TXN2: variants seen among roughly 807,000 people sequenced by gnomAD.
TXN2 encodes the protein thioredoxin, mitochondrial.
Under a neutral mutation model 14.6 loss-of-function variants are expected in TXN2, and 12 were observed. The ratio of observed to expected loss-of-function variants is 0.82; its 90% CI spans 0.53 to 1.33. The LOEUF is 1.33. Among genes scored for constraint, TXN2 ranks in the 40% most tolerant of loss-of-function variants. TXN2 has a pLI of 0.00. For missense variants in TXN2, 173 were observed against 207.7 expected (o/e 0.83, Z 1.03); for synonymous variants, 89 against 81.0 (o/e 1.10, Z -0.53).
chr22:36,476,111 C>T (rs1437491131), intron 3 of TXN2, among the ~76,000 whole-genome samples: 1 of 152,116 alleles, frequency 6.6e-6, no homozygotes, highest in African/African-American at 2.4e-5. Flanking sequence ...CTTGGCACAT[C>T]GAGCTCCCAA....
At chr22:36,472,999 G>C (rs574061497) in intron 3 of TXN2, among the ~76,000 whole-genome samples, 1 of 151,986 alleles carries the variant, frequency 6.6e-6, no homozygotes. Context: ...CATTACCTGG[G>C]AGCTTGTTAG....
chr22:36,472,951 G>T (rs1487758090), intron 3 of TXN2, among the ~76,000 whole-genome samples: 1 of 151,954 alleles, frequency 6.6e-6, no homozygotes, highest in Non-Finnish European at 1.5e-5. Flanking sequence ...TCAGAACATT[G>T]GCTTCTCTCC....
chr22:36,474,009 T>C (rs1210771334), intron 3 of TXN2, among the ~76,000 whole-genome samples: 1 of 152,178 alleles, frequency 6.6e-6, no homozygotes. Context: ...GAAGCTGTAG[T>C]GTCTGGCAGA....
intron 3 of TXN2, among the ~76,000 whole-genome samples, chr22:36,474,795 A>G (rs965143639): frequency 1.3e-5 from 2 of 152,168 alleles, no homozygotes; most frequent in Admixed American, 1.3e-4. Context: ...ATCCGGCTGC[A>G]TTATGCTTTC....
At chr22:36,468,659 A>G in intron 3 of TXN2, 1 of 451,116 alleles carries the variant, frequency 2.2e-6, no homozygotes. Context: ...TGGGAGACTG[A>G]GGCTTCAGTG....
In TXN2 at chr22:36,480,606, C is replaced by T; in HGVS notation, c.232G>A (p.Glu78Lys). 6.2e-7 allele frequency: 1 copy of T among 1,614,032 alleles called. No homozygotes were observed. Among genetic ancestry groups the T allele is most frequent in the South Asian group, 1.1e-5 (1 of 91,066 alleles). ...PDFQDRVVNSETPVVVDFHAQ... is the reference protein window; with the variant it reads ...PDFQDRVVNSKTPVVVDFHAQ... ...TGGAAATCCACAACCACTGGTGTCT[C>T]ACTGTTGACCACTCGGTCTTGAAAG... The change falls in exon 2 of 4, where the codon GAG becomes AAG. Residue 78 changes from glutamate (E) to lysine (K), a missense_variant. Transcript: ENST00000216185.
chr22:36,475,820 AACC>A (rs1232455918), intron 3 of TXN2, among the ~76,000 whole-genome samples: 1 of 152,124 alleles, frequency 6.6e-6, no homozygotes, highest in Non-Finnish European at 1.5e-5. Flanking sequence ...CAAACCAACC[AACC>A]AAGTGAGACG....
chr22:36,480,799 A>T lies in TXN2; in HGVS notation c.39T>A (p.Ser13=), dbSNP rs770822455. ...CCTGAGAGGGCTTCCTGGAGATGAC[A>T]GAGGCCAGGAACCTCCTCAGAAGAA... ...QRLLLRRFLA[S]VISRKPSQGQ... Residue 13 remains serine, a synonymous_variant, in exon 2 of 4, where the codon TCT becomes TCA. Transcript: ENST00000216185. 3.7e-6 allele frequency: 6 copies of T among 1,608,410 alleles called. No individual in the cohort carries two copies. In the South Asian group the frequency reaches 6.6e-5, roughly 18 times the overall value.
At position 36,471,549 on chromosome 22, in the gene TXN2, G is replaced by C. The variant is rs551136783; in HGVS notation, c.388-3632C>G. Among the ~76,000 whole-genome samples the C allele has an allele frequency of 2.0e-5, 3 of 152,268 alleles. No individual in the cohort carries two copies. In the East Asian group the frequency reaches 5.8e-4, roughly 29 times the overall value. ...AGGAAAAGATCGCTGTCACATGCTG[G>C]GTGCTTTTTCGTGTCAGGAATGATA... On this transcript the variant is annotated intron_variant, in intron 3 of 3. Transcript: ENST00000216185.
At chr22:36,472,711 C>G (rs959476889) in intron 3 of TXN2, among the ~76,000 whole-genome samples, 3 of 152,070 alleles carry the variant, frequency 2.0e-5, no homozygotes, top group Non-Finnish European at 2.9e-5. Context: ...TGCTGGAAAA[C>G]AGGGGAACCG....
intron 2 of TXN2, among the ~76,000 whole-genome samples, chr22:36,478,878 C>T (rs891048328): frequency 6.6e-5 from 10 of 151,544 alleles, no homozygotes; most frequent in East Asian, 2.0e-4. Flanking sequence ...TGTTTTAACT[C>T]GGGAGGTGGA....
chr22:36,479,826 A>G (rs1316376151), intron 2 of TXN2, among the ~76,000 whole-genome samples: 1 of 152,158 alleles, frequency 6.6e-6, no homozygotes, highest in African/African-American at 2.4e-5. Context: ...TAGCACTGAA[A>G]GGAAACTCCT....
At chr22:36,475,527 G>C (rs1933368615) in intron 3 of TXN2, among the ~76,000 whole-genome samples, 1 of 152,194 alleles carries the variant, frequency 6.6e-6, no homozygotes, top group Non-Finnish European at 1.5e-5. Flanking sequence ...TGTAAATAAA[G>C]TTTTATTGTA....
intron 2 of TXN2, among the ~76,000 whole-genome samples, chr22:36,478,132 C>CAAAAA (rs778032940): frequency 6.1e-4 from 41 of 67,684 alleles, no homozygotes; most frequent in Non-Finnish European, 7.3e-4. Flanking sequence ...GACTCTGTCT[C>CAAAAA]AAAAAAAAAA....
At chr22:36,480,031 A>G (rs1933467105) in intron 2 of TXN2, among the ~76,000 whole-genome samples, 1 of 151,946 alleles carries the variant, frequency 6.6e-6, no homozygotes, top group Non-Finnish European at 1.5e-5. Flanking sequence ...TTACAGGCAC[A>G]CACCACCACG....
At chr22:36,477,817 C>T (rs1268538839) in intron 2 of TXN2, among the ~76,000 whole-genome samples, 1 of 152,110 alleles carries the variant, frequency 6.6e-6, no homozygotes, top group Non-Finnish European at 1.5e-5. Flanking sequence ...CAGCTGGGAT[C>T]GATCACAACC....
chr22:36,477,814 G>C (rs1933416822), intron 2 of TXN2, among the ~76,000 whole-genome samples: 1 of 152,132 alleles, frequency 6.6e-6, no homozygotes, highest in South Asian at 2.1e-4. Flanking sequence ...GCACAGCTGG[G>C]ATCGATCACA....
chr22:36,470,963 G>C (rs941330894), intron 3 of TXN2, among the ~76,000 whole-genome samples: 2 of 151,768 alleles, frequency 1.3e-5, no homozygotes, highest in Admixed American at 1.3e-4. Context: ...ACACACACAC[G>C]CATACACACA....
Position 36,467,476 on chromosome 22 carries a change from A to C in TXN2, c.*328T>G. ...CAGATTGGAAGGGACCAAGATGAGG[A>C]CCAAGGTGTGGCTGCCTGACTAGGA... On this transcript the variant is annotated 3_prime_UTR_variant, in exon 4 of 4. Transcript: ENST00000216185. The C allele has an allele frequency of 3.2e-6, 1 of 309,816 alleles. No individual in the cohort carries two copies. 19.2% of individuals were successfully genotyped at this position (309,816 alleles called of 1,614,324 possible).
Sources: allele counts gnomAD v4.1 joint callset (sites outside exome capture counted in the v4.1 genomes callset), GRCh38; gene constraint gnomAD v4.1.1; transcripts MANE v1.5; gene names NCBI Gene and HGNC (gene_info 2026-07-23, HGNC 2026-07-21).